The following ACTN3 variants were observed in gnomAD, a reference collection of about 807,000 sequenced individuals.
ACTN3 encodes actinin alpha 3.
A neutral mutation model predicts 119.6 loss-of-function variants in ACTN3; 91 were observed. The observed-to-expected ratio is 0.76, with a 90% CI of 0.64 to 0.91. The LOEUF is 0.91. ACTN3 is among the 40% of genes least tolerant of loss of function. The probability of loss-of-function intolerance (pLI) is 0.00; values close to 1 mark genes in which losing one functional copy is unlikely to be tolerated. For missense variants in ACTN3, 1,221 were observed against 1,215.1 expected (o/e 1.00, Z -0.07); for synonymous variants, 456 against 478.8 (o/e 0.95, Z 0.62).
At chr11:66,549,531 A>G (rs1857429699) in intron 1 of ACTN3, among the ~76,000 whole-genome samples, 1 of 152,118 alleles carries the variant, frequency 6.6e-6, no homozygotes, top group Admixed American at 6.5e-5. Context: ...TGTAAATTCA[A>G]GATCAGCCTG....
chr11:66,557,860 C>T lies in ACTN3; in HGVS notation c.1059C>T (p.Asn353=). 1 of 1,614,240 alleles carries T rather than the reference C, an allele frequency of 6.2e-7. No individual in the cohort carries two copies. Among genetic ancestry groups the T allele is most frequent in the Non-Finnish European group, 8.5e-7 (1 of 1,180,048 alleles). The part of the protein sequence containing the change: ...QEKCQLEINF[N]TLQTKLRLSH... ...AGTGCCAGCTGGAGATCAACTTCAACACACTGCAGACCAAGTTGCGGCTCA... is the reference window on the plus strand; with the variant it reads ...AGTGCCAGCTGGAGATCAACTTCAATACACTGCAGACCAAGTTGCGGCTCA... Residue 353 remains asparagine, a synonymous_variant, in exon 10 of 21, where the codon AAC becomes AAT. Transcript: ENST00000513398.
chr11:66,554,380 C>A, intron 4 of ACTN3, 156 bp from the exon 5 acceptor site: 2 of 217,534 alleles, frequency 9.2e-6, no homozygotes, highest in Non-Finnish European at 1.6e-5. Context: ...ATCGCTTGAG[C>A]CTGGGAGGTT....
At position 66,551,514 on chromosome 11, in the gene ACTN3, C is replaced by T. The variant is rs1160623989; in HGVS notation, c.263-14C>T. The T allele has an allele frequency of 7.4e-6, 12 of 1,612,542 alleles. No individual in the cohort carries two copies. The highest frequency in any genetic ancestry group is 1.7e-5 in the Admixed American group (1 of 59,702). Reference sequence around the variant, plus strand: ...TCATGACCTTTGGCCCTTGGCCTCTCCTCTTAAACCCAGGTGAGAGGCTGC... The same window carrying T: ...TCATGACCTTTGGCCCTTGGCCTCTTCTCTTAAACCCAGGTGAGAGGCTGC... On this transcript the variant is annotated splice_polypyrimidine_tract_variant and intron_variant, in intron 2 of 20. Transcript: ENST00000513398.
intron 15 of ACTN3, 32 bp downstream of exon 15, chr11:66,560,787 C>T (rs747231690): frequency 5.7e-6 from 9 of 1,581,086 alleles, no homozygotes; most frequent in Admixed American, 3.5e-5. Context: ...CCTCCCACCC[C>T]CTCCTGCATA....
rs181795354 is a variant in ACTN3 at position 66,554,624 on chromosome 11, G to T, written c.557+1G>T. 28 of 1,609,422 alleles carry T rather than the reference G, an allele frequency of 1.7e-5. No individual in the cohort carries two copies. In the Admixed American group the frequency reaches 3.5e-4, roughly 20 times the overall value. On this transcript the variant is annotated splice_donor_variant, in intron 5 of 20. Transcript: ENST00000513398. LOFTEE classifies it high-confidence loss of function. Reference sequence around the variant, plus strand: ...TCAACGTGCAGAACTTCCACACCAGGTCTGTCAGGTGGTTACCAAATGTGT... The same window carrying T: ...TCAACGTGCAGAACTTCCACACCAGTTCTGTCAGGTGGTTACCAAATGTGT...
At chr11:66,559,163 T>G (rs1393986540) in intron 11 of ACTN3, 73 bp from the exon 12 acceptor site, 43 of 1,398,130 alleles carry the variant, frequency 3.1e-5, no homozygotes, top group Non-Finnish European at 3.9e-5. Flanking sequence ...TGAGGCTTCA[T>G]GGTCACGCAG....
At chr11:66,561,682 G>A (rs1449142406) in intron 17 of ACTN3, 45 bp downstream of exon 17, 2 of 1,576,514 alleles carry the variant, frequency 1.3e-6, no homozygotes, top group Admixed American at 1.8e-5. Context: ...AGCACTGGCT[G>A]AGGAGGCCCA....
chr11:66,562,228 C>A, intron 18 of ACTN3, 29 bp from the exon 19 acceptor site: 8 of 1,613,822 alleles, frequency 5.0e-6, no homozygotes, highest in Non-Finnish European at 6.8e-6. Flanking sequence ...GGCTGGAGAC[C>A]AAGCCTGATA....
intron 1 of ACTN3, among the ~76,000 whole-genome samples, chr11:66,549,856 C>G (rs1857437685): frequency 6.6e-6 from 1 of 150,696 alleles, no homozygotes; most frequent in South Asian, 2.1e-4. Flanking sequence ...GGAAATCTAA[C>G]TGCCCTATTC....
At chr11:66,561,944 A>G in intron 17 of ACTN3, 78 bp from the exon 18 acceptor site, 4 of 1,522,570 alleles carry the variant, frequency 2.6e-6, no homozygotes, top group African/African-American at 1.4e-5. Context: ...AGGGTCATTC[A>G]GTGAACTGGA....
rs779742682 is a variant in ACTN3 at position 66,563,223 on chromosome 11, T to A, written c.*30T>A. On this transcript the variant is annotated 3_prime_UTR_variant, in exon 21 of 21. Transcript: ENST00000513398. ...AACCACTGAGGTTCTCTATGCAAGATGGAGAGAGGATGCACCCTGTGGCTG... is the reference window on the plus strand; with the variant it reads ...AACCACTGAGGTTCTCTATGCAAGAAGGAGAGAGGATGCACCCTGTGGCTG... The A allele has an allele frequency of 6.4e-7, 1 of 1,572,308 alleles. No homozygotes were observed. Among genetic ancestry groups the A allele is most frequent in the Non-Finnish European group, 8.7e-7 (1 of 1,155,630 alleles).
rs754696791 is a variant in ACTN3 at position 66,554,044 on chromosome 11, G to A, written c.383-1G>A. 1.0e-4 allele frequency: 167 copies of A among 1,613,668 alleles called. No homozygotes were observed. Among genetic ancestry groups the A allele is most frequent in the Non-Finnish European group, 1.3e-4 (151 of 1,179,872 alleles). On this transcript the variant is annotated splice_acceptor_variant, in intron 3 of 20. Coordinates refer to ENST00000513398, the MANE Select transcript of ACTN3 (RefSeq NM_001104.4). LOFTEE classifies it high-confidence loss of function. ...TCTGTCCCCTGACCCCTGCCCTGCA[G>A]AGATTGTTGACGGGAACCTGAAGAT...
At chr11:66,551,067 A>G (rs1280588969) in intron 1 of ACTN3, 172 bp from the exon 2 acceptor site, 2 of 701,018 alleles carry the variant, frequency 2.9e-6, no homozygotes, top group East Asian at 5.5e-5. Context: ...ACGAAAGCTC[A>G]GAGAGGGAAA....
chr11:66,549,936 C>T (rs1039424077), intron 1 of ACTN3, among the ~76,000 whole-genome samples: 1 of 152,072 alleles, frequency 6.6e-6, no homozygotes, highest in Non-Finnish European at 1.5e-5. Flanking sequence ...AAGCTCACTC[C>T]CTTTCCTTAG....
At chr11:66,557,622 G>A in intron 9 of ACTN3, 77 bp from the exon 10 acceptor site, 1 of 1,470,258 alleles carries the variant, frequency 6.8e-7, no homozygotes, top group East Asian at 2.5e-5. Flanking sequence ...CACAGCCTGG[G>A]TGTGGGTGGA....
Position 66,561,350 on chromosome 11 carries a change from G to GACCTTAC in ACTN3, c.1984_1985insACCTTAC (p.Ala662AspfsTer39). On this transcript the variant is annotated frameshift_variant, in exon 16 of 21. Coordinates refer to ENST00000513398, the MANE Select transcript of ACTN3 (RefSeq NM_001104.4). LOFTEE classifies it high-confidence loss of function. ...CAATGCCATTGGACCCTGGATCCAGGCGAAGGTGGAGGTAAGGGCTGGGAT... is the reference window on the plus strand; with the variant it reads ...CAATGCCATTGGACCCTGGATCCAGGACCTTACCGAAGGTGGAGGTAAGGGCTGGGAT... 1 of 1,611,150 alleles carries GACCTTAC rather than the reference G, an allele frequency of 6.2e-7. No individual in the cohort carries two copies. The highest frequency in any genetic ancestry group is 8.5e-7 in the Non-Finnish European group (1 of 1,178,542).
At chr11:66,555,415 G>A (rs377401840) in intron 7 of ACTN3, 48 bp downstream of exon 7, 140 of 1,592,890 alleles carry the variant, frequency 8.8e-5, no homozygotes, top group Admixed American at 3.3e-4. Flanking sequence ...TCCACACTGG[G>A]CCTGGTACAA....
rs1215790090 is a variant in ACTN3, at chr11:66,557,836, G to A, written c.1035G>A (p.Lys345=). 2 of 1,614,212 alleles carry A rather than the reference G, an allele frequency of 1.2e-6. No individual in the cohort carries two copies. The highest frequency in any genetic ancestry group is 2.2e-5 in the South Asian group (2 of 91,082). Residue 345 remains lysine, a synonymous_variant, in exon 10 of 21, where the codon AAG becomes AAA. Coordinates refer to ENST00000513398, the MANE Select transcript of ACTN3 (RefSeq NM_001104.4). Reference sequence around the variant, plus strand: ...ACAAGCCGCCCCGCATTCAGGAAAAGTGCCAGCTGGAGATCAACTTCAACA... The same window carrying A: ...ACAAGCCGCCCCGCATTCAGGAAAAATGCCAGCTGGAGATCAACTTCAACA... ...RLHKPPRIQE[K]CQLEINFNTL...
chr11:66,549,352 C>G (rs1293369527), intron 1 of ACTN3, among the ~76,000 whole-genome samples: 2 of 152,180 alleles, frequency 1.3e-5, no homozygotes, highest in Non-Finnish European at 2.9e-5. Context: ...ATAAATTCCT[C>G]GGCAACCTCT....
Sources: allele counts gnomAD v4.1 joint callset (sites outside exome capture counted in the v4.1 genomes callset), GRCh38; gene constraint gnomAD v4.1.1; transcripts MANE v1.5; gene names NCBI Gene and HGNC (gene_info 2026-07-23, HGNC 2026-07-21).